MACROD2: variants seen among roughly 807,000 people sequenced by gnomAD.
MACROD2 encodes mono-ADP ribosylhydrolase 2, also known as ADP-ribose glycohydrolase MACROD2.
A neutral mutation model predicts 70.4 loss-of-function variants in MACROD2; 36 were observed. That is an observed-to-expected ratio of 0.51 (90% CI 0.39 to 0.68). The LOEUF (loss-of-function observed/expected upper bound fraction) is 0.68, where lower values mean the gene tolerates loss of function less well. Among genes scored for constraint, MACROD2 ranks in the 30% least tolerant of loss-of-function variants. MACROD2 has a pLI of 0.00. For missense variants in MACROD2, 496 were observed against 538.4 expected (o/e 0.92, Z 0.78); for synonymous variants, 172 against 178.8 (o/e 0.96, Z 0.30).
chr20:14,037,749 CTCATGCCTGTT>C (rs2053333831), intron 2 of MACROD2, among the ~76,000 whole-genome samples: 2 of 152,084 alleles, frequency 1.3e-5, no homozygotes, highest in African/African-American at 4.8e-5. Flanking sequence ...GGTGCAGTGG[CTCATGCCTGTT>C]ACTCCAGCAC....
At chr20:15,928,202 T>C (rs1308353480) in intron 10 of MACROD2, among the ~76,000 whole-genome samples, 1 of 152,246 alleles carries the variant, frequency 6.6e-6, no homozygotes, top group Non-Finnish European at 1.5e-5. Flanking sequence ...AGGACATGAT[T>C]ATGTCTGCAA....
At position 15,947,219 on chromosome 20, in the gene MACROD2, T is replaced by C. The variant is rs149682198; in HGVS notation, c.907+9675T>C. Among the ~76,000 whole-genome samples, 681 of 152,236 alleles carry C rather than the reference T, an allele frequency of 4.5e-3. 5 individuals are homozygous for C. The highest frequency in any genetic ancestry group is 0.016 in the African/African-American group (649 of 41,552). On this transcript the variant is annotated intron_variant, in intron 12 of 17. Transcript: ENST00000684519. ...ACTGCAAGAGGCTTTCCTCTTTTACTAATCCTCCTCAGCACAGACCCTTCA... is the reference window on the plus strand; with the variant it reads ...ACTGCAAGAGGCTTTCCTCTTTTACCAATCCTCCTCAGCACAGACCCTTCA...
At position 14,863,983 on chromosome 20, in the gene MACROD2, T is replaced by A. The variant is rs73089915; in HGVS notation, c.418+179024T>A. ...TCTGTATTTTTAATAAGTTGCTAGG[T>A]GATTTTTATGGTCAGGAGAAGTGGG... On this transcript the variant is annotated intron_variant, in intron 5 of 17. Coordinates refer to ENST00000684519, the MANE Select transcript of MACROD2 (RefSeq NM_001351661.2). Among the ~76,000 whole-genome samples the A allele has an allele frequency of 7.3e-3, 1,107 of 152,198 alleles. 7 individuals are homozygous for A. The highest frequency in any genetic ancestry group is 0.012 in the Non-Finnish European group (783 of 67,988).
intron 8 of MACROD2, among the ~76,000 whole-genome samples, chr20:15,821,697 A>C (rs2063940154): frequency 6.6e-6 from 1 of 152,220 alleles, no homozygotes; most frequent in African/African-American, 2.4e-5. Flanking sequence ...TGAACAATAC[A>C]GTATAACAAC....
At chr20:14,128,806 C>T (rs942771948) in intron 3 of MACROD2, among the ~76,000 whole-genome samples, 2 of 152,296 alleles carry the variant, frequency 1.3e-5, no homozygotes, top group South Asian at 2.1e-4. Context: ...GCTGAATCTA[C>T]TCTGCCTGTG....
chr20:15,188,496 T>A (rs904048749), intron 5 of MACROD2, among the ~76,000 whole-genome samples: 1 of 152,226 alleles, frequency 6.6e-6, no homozygotes, highest in Non-Finnish European at 1.5e-5. Flanking sequence ...GCAGTTTCCC[T>A]TGAAGCCAGA....
At chr20:14,658,472 G>T (rs547044577) in intron 4 of MACROD2, among the ~76,000 whole-genome samples, 1 of 152,224 alleles carries the variant, frequency 6.6e-6, no homozygotes, top group African/African-American at 2.4e-5. Context: ...AAATTAGAGG[G>T]TCAGAGCCCT....
intron 3 of MACROD2, among the ~76,000 whole-genome samples, chr20:14,121,511 T>C (rs1174903613): frequency 6.6e-6 from 1 of 152,210 alleles, no homozygotes; most frequent in African/African-American, 2.4e-5. Flanking sequence ...TTAGGACTCC[T>C]TGTCTTTTCT....
At chr20:15,855,126 G>A (rs79143250) in intron 8 of MACROD2, among the ~76,000 whole-genome samples, 4,443 of 152,174 alleles carry the variant, frequency 0.029, 131 homozygotes, top group East Asian at 0.13. Flanking sequence ...CATTCTCCTC[G>A]TATCACTGAA....
At chr20:15,844,190 T>C (rs904032612) in intron 8 of MACROD2, among the ~76,000 whole-genome samples, 2 of 152,062 alleles carry the variant, frequency 1.3e-5, no homozygotes, top group African/African-American at 4.8e-5. Context: ...ATCAACTGAC[T>C]AGGACTGCAT....
chr20:15,063,728 G>T (rs2075552286), intron 5 of MACROD2, among the ~76,000 whole-genome samples: 1 of 152,110 alleles, frequency 6.6e-6, no homozygotes, highest in Admixed American at 6.5e-5. Flanking sequence ...TACCTGCATG[G>T]GTTGACAATT....
chr20:15,411,875 G>A (rs11907371), intron 6 of MACROD2, among the ~76,000 whole-genome samples: 30,687 of 152,098 alleles, frequency 0.2, 4,041 homozygotes, highest in African/African-American at 0.37. Flanking sequence ...GAGGTCAGGC[G>A]CAGATGGTTT....
At chr20:14,179,850 A>G (rs927521130) in intron 3 of MACROD2, among the ~76,000 whole-genome samples, 5 of 152,354 alleles carry the variant, frequency 3.3e-5, no homozygotes, top group African/African-American at 7.2e-5. Flanking sequence ...TGGGATGCTC[A>G]GACTAGATAG....
At chr20:14,007,807 G>A (rs934766527) in intron 2 of MACROD2, among the ~76,000 whole-genome samples, 4 of 152,234 alleles carry the variant, frequency 2.6e-5, no homozygotes, top group African/African-American at 9.6e-5. Context: ...AATTTTCTCT[G>A]ACTGGTTAGT....
intron 6 of MACROD2, among the ~76,000 whole-genome samples, chr20:15,302,812 AT>A (rs1211226991): frequency 2.0e-5 from 3 of 152,124 alleles, no homozygotes; most frequent in Non-Finnish European, 4.4e-5. Flanking sequence ...GTCCTGTTTA[AT>A]TTTTTACAAA....
In MACROD2 at chr20:14,492,041, C is replaced by A. The variant is rs1044580960; in HGVS notation, c.272-1438C>A. 2.0e-5 allele frequency among the ~76,000 whole-genome samples: 3 copies of A among 152,206 alleles called. No homozygotes were observed. The East Asian group carries it at 5.8e-4, about 29-fold the overall frequency. ...TCTTTTCCACTAAAGGGTATGAGAC[C>A]AAGTAGAATTCTCGAAGTCTGTCCT... is the stretch of plus-strand genomic sequence containing the variant. On this transcript the variant is annotated intron_variant, in intron 3 of 17. Coordinates refer to ENST00000684519, the MANE Select transcript of MACROD2 (RefSeq NM_001351661.2).
chr20:15,918,098 T>C (rs1424601352), intron 10 of MACROD2, among the ~76,000 whole-genome samples: 1 of 152,194 alleles, frequency 6.6e-6, no homozygotes, highest in Non-Finnish European at 1.5e-5. Context: ...TAAACCTCGT[T>C]TTGTAATCAT....
chr20:14,688,283 A>G (rs556951711), intron 5 of MACROD2, among the ~76,000 whole-genome samples: 7 of 152,286 alleles, frequency 4.6e-5, no homozygotes, highest in African/African-American at 7.2e-5. Flanking sequence ...GGAAAATGCT[A>G]TTGTCTGGGT....
At chr20:16,004,322 C>G (rs2066757245) in intron 15 of MACROD2, among the ~76,000 whole-genome samples, 1 of 152,176 alleles carries the variant, frequency 6.6e-6, no homozygotes, top group South Asian at 2.1e-4. Flanking sequence ...AGACCGCGTG[C>G]CTAGGTTAGA....
Sources: gnomAD v4.1 joint callset for allele counts (sites outside exome capture counted in the v4.1 genomes callset) on GRCh38, gnomAD v4.1.1 for gene constraint, MANE v1.5 for transcripts, NCBI Gene and HGNC (gene_info 2026-07-23, HGNC 2026-07-21) for gene names.